ETV6: variants seen among roughly 807,000 people sequenced by gnomAD.
The protein encoded by ETV6 is transcription factor ETV6.
A neutral mutation model predicts 51.1 loss-of-function variants in ETV6; 16 were observed. The observed-to-expected ratio is 0.31, with a 90% CI of 0.21 to 0.48. The LOEUF (loss-of-function observed/expected upper bound fraction) is 0.48. Among genes scored for constraint, ETV6 ranks in the 20% least tolerant of loss-of-function variants. The pLI is 0.99. For missense variants in ETV6, 458 were observed against 594.8 expected (o/e 0.77, Z 2.39); for synonymous variants, 240 against 224.1 (o/e 1.07, Z -0.64).
chr12:11,731,319 A>T (rs577703385), intron 1 of ETV6, among the ~76,000 whole-genome samples: 21 of 152,354 alleles, frequency 1.4e-4, no homozygotes, highest in Middle Eastern at 3.4e-3. Flanking sequence ...GTGGAGGAGT[A>T]AGTCAGTGCT....
intron 2 of ETV6, among the ~76,000 whole-genome samples, chr12:11,813,426 G>C (rs982547750): frequency 1.3e-5 from 2 of 152,138 alleles, no homozygotes; most frequent in African/African-American, 4.8e-5. Context: ...ATGTGGCCAC[G>C]ACTCAGAATT....
chr12:11,856,590 G>A (rs1374395957), intron 4 of ETV6, among the ~76,000 whole-genome samples: 1 of 152,130 alleles, frequency 6.6e-6, no homozygotes, highest in Non-Finnish European at 1.5e-5. Flanking sequence ...CTGCCTTTCA[G>A]CTATATGGTG....
chr12:11,877,997 G>A (rs566912263), intron 5 of ETV6, among the ~76,000 whole-genome samples: 2 of 152,286 alleles, frequency 1.3e-5, no homozygotes, highest in Admixed American at 1.3e-4. Context: ...GCAGAGCCAC[G>A]CAGGGCACTG....
rs565641235 is a variant in ETV6 at position 11,691,584 on chromosome 12, A to G, written c.33+41424A>G. On this transcript the variant is annotated intron_variant, in intron 1 of 7. Coordinates refer to ENST00000396373, the MANE Select transcript of ETV6 (RefSeq NM_001987.5). ...ATCACCTTTCAACTTTATAAAAAGG[A>G]TATCAGACCATATATAATCTTTTGG... 9.2e-5 allele frequency among the ~76,000 whole-genome samples: 14 copies of G among 152,346 alleles called. No homozygotes were observed. In the East Asian group the frequency reaches 1.7e-3, roughly 19 times the overall value.
chr12:11,652,874 T>C (rs999485184), intron 1 of ETV6, among the ~76,000 whole-genome samples: 1 of 152,228 alleles, frequency 6.6e-6, no homozygotes, highest in African/African-American at 2.4e-5. Flanking sequence ...AGGGCTTTTC[T>C]GTTTCTTTTG....
At chr12:11,830,906 A>G (rs1300865398) in intron 2 of ETV6, among the ~76,000 whole-genome samples, 1 of 152,254 alleles carries the variant, frequency 6.6e-6, no homozygotes, top group East Asian at 1.9e-4. Flanking sequence ...AGAGGGTGAG[A>G]ATAAAAACAT....
At chr12:11,849,896 G>A (rs548033642) in intron 3 of ETV6, among the ~76,000 whole-genome samples, 2 of 152,270 alleles carry the variant, frequency 1.3e-5, no homozygotes, top group Admixed American at 6.5e-5. Context: ...CACAGTGCAC[G>A]CACAGCAAGT....
At chr12:11,806,704 A>G (rs1238105086) in intron 2 of ETV6, among the ~76,000 whole-genome samples, 4 of 152,186 alleles carry the variant, frequency 2.6e-5, no homozygotes, top group Non-Finnish European at 5.9e-5. Flanking sequence ...TTTCTGTTTG[A>G]TTGTAACATA....
chr12:11,802,350 G>A (rs149508055), intron 2 of ETV6, among the ~76,000 whole-genome samples: 70 of 152,254 alleles, frequency 4.6e-4, no homozygotes, highest in Non-Finnish European at 9.0e-4. Flanking sequence ...GATTTATAAC[G>A]AGAATGGTAC....
intron 1 of ETV6, among the ~76,000 whole-genome samples, chr12:11,674,180 C>G (rs925229797): frequency 6.6e-6 from 1 of 152,102 alleles, no homozygotes; most frequent in African/African-American, 2.4e-5. Flanking sequence ...TCGTTCGCTT[C>G]CTTCCTTTTT....
intron 1 of ETV6, among the ~76,000 whole-genome samples, chr12:11,657,952 G>GTGGAGT (rs1864031420): frequency 6.6e-6 from 1 of 152,216 alleles, no homozygotes; most frequent in Non-Finnish European, 1.5e-5. Flanking sequence ...GAAGAGTACA[G>GTGGAGT]ACAATGGAGT....
Position 11,891,282 on chromosome 12 carries a change from C to T in ETV6, c.*236C>T, listed in dbSNP as rs1225753089. ...GGCATGAGCCTGGGACTCCATGTCA[C>T]GTTTCCTTCTGATTTGGAATCTCTC... On this transcript the variant is annotated 3_prime_UTR_variant, in exon 8 of 8. Transcript: ENST00000396373. 6.6e-6 allele frequency: 3 copies of T among 453,438 alleles called. No individual in the cohort carries two copies. The highest frequency in any genetic ancestry group is 3.8e-5 in the East Asian group (1 of 26,112). The allele number at this position is 453,438 out of a possible 1,614,324, so 28.1% of individuals were successfully genotyped here.
intron 1 of ETV6, among the ~76,000 whole-genome samples, chr12:11,651,562 C>T (rs1863907045): frequency 6.6e-6 from 1 of 152,106 alleles, no homozygotes; most frequent in Non-Finnish European, 1.5e-5. Flanking sequence ...CTGGAGGTAG[C>T]AGTATGTATG....
intron 2 of ETV6, among the ~76,000 whole-genome samples, chr12:11,800,185 G>A (rs1412021748): frequency 6.6e-6 from 1 of 151,998 alleles, no homozygotes; most frequent in Non-Finnish European, 1.5e-5. Context: ...CCATTTTCTG[G>A]GTCATGGAAA....
chr12:11,652,537 A>G (rs1381182990), intron 1 of ETV6, among the ~76,000 whole-genome samples: 1 of 152,206 alleles, frequency 6.6e-6, no homozygotes, highest in African/African-American at 2.4e-5. Flanking sequence ...TGAGCTGATG[A>G]ACCTGATATA....
chr12:11,856,051 T>G (rs1352402881), intron 4 of ETV6, among the ~76,000 whole-genome samples: 1 of 152,204 alleles, frequency 6.6e-6, no homozygotes, highest in African/African-American at 2.4e-5. Context: ...CCCCATTTTA[T>G]TCCTGAGTGT....
intron 1 of ETV6, among the ~76,000 whole-genome samples, chr12:11,687,212 CTT>C (rs1183564722): frequency 5.4e-4 from 47 of 87,652 alleles, no homozygotes; most frequent in African/African-American, 1.5e-3. Flanking sequence ...TTTTTCTGTT[CTT>C]TTTTTTTTTT....
At position 11,891,477 on chromosome 12, in the gene ETV6, C is replaced by T; in HGVS notation, c.*431C>T. On this transcript the variant is annotated 3_prime_UTR_variant, in exon 8 of 8. Coordinates refer to ENST00000396373, the MANE Select transcript of ETV6 (RefSeq NM_001987.5). ...ATATCTATTATATATATATTTTTTG[C>T]AAATCTCACAAAGTGCGGCAAGCCC... The T allele has an allele frequency of 4.1e-6, 2 of 482,862 alleles. No individual in the cohort carries two copies. The highest frequency in any genetic ancestry group is 7.8e-6 in the Non-Finnish European group (2 of 257,100). 29.9% of individuals were successfully genotyped at this position (482,862 alleles called of 1,614,324 possible).
chr12:11,835,511 C>T (rs1215303196), intron 2 of ETV6, among the ~76,000 whole-genome samples: 1 of 152,176 alleles, frequency 6.6e-6, no homozygotes, highest in Non-Finnish European at 1.5e-5. Flanking sequence ...AGCTGTGAGC[C>T]GTGTAAGACT....
Sources: gnomAD v4.1 joint callset for allele counts (sites outside exome capture counted in the v4.1 genomes callset) on GRCh38, gnomAD v4.1.1 for gene constraint, MANE v1.5 for transcripts, NCBI Gene and HGNC (gene_info 2026-07-23, HGNC 2026-07-21) for gene names.